RAF1: variants seen among roughly 807,000 people sequenced by gnomAD.
RAF1 encodes the protein RAF proto-oncogene serine/threonine-protein kinase.
Under a neutral mutation model 81.1 loss-of-function variants are expected in RAF1, and 27 were observed. The observed-to-expected ratio is 0.33, with a 90% CI of 0.25 to 0.46. RAF1 has a LOEUF of 0.46. Ranked by LOEUF, RAF1 falls within the 20% of genes least tolerant of loss-of-function variation. The pLI, the probability that RAF1 is intolerant of heterozygous loss-of-function variation, is 1.00. For missense variants in RAF1, 598 were observed against 826.0 expected (o/e 0.72, Z 3.38); for synonymous variants, 298 against 294.0 (o/e 1.01, Z -0.14).
chr3:12,644,485 T>C (rs925721645), intron 1 of RAF1, among the ~76,000 whole-genome samples: 2 of 152,178 alleles, frequency 1.3e-5, no homozygotes, highest in African/African-American at 4.8e-5. Flanking sequence ...TCTCAGGAGT[T>C]AAGTGTACAA....
rs1308245149 is a variant in RAF1 at position 12,604,181 on chromosome 3, G to C, written c.789C>G (p.Val263=). ...CAGGCAGGGTGGTGCTGACCATGTGGACATTAGGTGTGGATGTCGACCTCT... is the reference window on the plus strand; with the variant it reads ...CAGGCAGGGTGGTGCTGACCATGTGCACATTAGGTGTGGATGTCGACCTCT... The change falls in exon 7 of 18, where the codon GTC becomes GTG. Residue 263 remains valine, a synonymous_variant. Coordinates refer to ENST00000442415, the MANE Select transcript of RAF1 (RefSeq NM_001354689.3). 3 of 1,614,180 alleles carry C rather than the reference G, an allele frequency of 1.9e-6. No individual in the cohort carries two copies. Among genetic ancestry groups the C allele is most frequent in the Non-Finnish European group, 2.5e-6 (3 of 1,180,036 alleles).
chr3:12,644,594 C>G (rs772160077), intron 1 of RAF1, among the ~76,000 whole-genome samples: 4 of 152,196 alleles, frequency 2.6e-5, no homozygotes, highest in Non-Finnish European at 5.9e-5. Context: ...TCCCTTGGCT[C>G]TATCCTTTTG....
chr3:12,583,698 C>CAAATCATCAAGAAAACCTGT lies in RAF1; in HGVS notation c.*796_*815dup. ...GTGCAATAAAAACAAAATTAAAACC[C>CAAATCATCAAGAAAACCTGT]AAATCATCAAGAAAACCTGTATTCC... On this transcript the variant is annotated 3_prime_UTR_variant, in exon 18 of 18. Coordinates refer to ENST00000442415, the MANE Select transcript of RAF1 (RefSeq NM_001354689.3). The CAAATCATCAAGAAAACCTGT allele has an allele frequency of 4.3e-6, 1 of 233,458 alleles. No homozygotes were observed. Among genetic ancestry groups the CAAATCATCAAGAAAACCTGT allele is most frequent in the Non-Finnish European group, 8.5e-6 (1 of 118,014 alleles). The allele number at this position is 233,458 out of a possible 1,614,324, so 14.5% of individuals were successfully genotyped here. A position where few individuals can be genotyped will look rare whatever the true frequency, so the allele number is the denominator to read the frequency against.
At chr3:12,651,777 A>T (rs544127186) in intron 1 of RAF1, among the ~76,000 whole-genome samples, 1 of 152,092 alleles carries the variant, frequency 6.6e-6, no homozygotes, top group South Asian at 2.1e-4. Flanking sequence ...TGGGAGGCCA[A>T]GGCGGGCAAA....
At chr3:12,616,703 C>A (rs2059378090) in intron 2 of RAF1, among the ~76,000 whole-genome samples, 1 of 152,146 alleles carries the variant, frequency 6.6e-6, no homozygotes, top group African/African-American at 2.4e-5. Flanking sequence ...AAACAGAAAA[C>A]TCTGGACTGG....
intron 1 of RAF1, among the ~76,000 whole-genome samples, chr3:12,650,145 CAAAAAAAAAAAAAAAAAA>C (rs36098034): frequency 2.6e-5 from 2 of 76,938 alleles, no homozygotes; most frequent in Admixed American, 3.2e-4. Context: ...GACTCCATCT[CAAAAAAAAAAAAAAAAAA>C]AAAAAAAAAA....
intron 13 of RAF1, chr3:12,588,679 G>A (rs1478929345): frequency 6.6e-6 from 1 of 152,202 alleles, no homozygotes; most frequent in East Asian, 1.9e-4. Context: ...TATCTTACAT[G>A]ATTCCATTTA....
intron 14 of RAF1, chr3:12,587,217 C>T (rs2058357875): frequency 3.7e-6 from 1 of 269,964 alleles, no homozygotes; most frequent in Admixed American, 4.9e-5. Context: ...AGCAGATAGA[C>T]ATACACACGC....
chr3:12,612,568 G>C (rs1373364804), intron 2 of RAF1, among the ~76,000 whole-genome samples: 1 of 149,928 alleles, frequency 6.7e-6, no homozygotes, highest in African/African-American at 2.5e-5. Flanking sequence ...AGAATTGCTG[G>C]AACCCAGGAG....
intron 1 of RAF1, among the ~76,000 whole-genome samples, chr3:12,636,292 A>AC (rs1491143336): frequency 7.3e-6 from 1 of 137,864 alleles, no homozygotes; most frequent in Non-Finnish European, 1.6e-5. Flanking sequence ...TTTCAAAAAA[A>AC]CAAAAAAAAA....
At chr3:12,627,559 T>C (rs1162044594) in intron 1 of RAF1, among the ~76,000 whole-genome samples, 1 of 152,238 alleles carries the variant, frequency 6.6e-6, no homozygotes, top group East Asian at 1.9e-4. Context: ...TCACCTACTC[T>C]ATATCTATCA....
intron 8 of RAF1, among the ~76,000 whole-genome samples, chr3:12,601,333 C>T (rs2058855159): frequency 6.6e-6 from 1 of 152,216 alleles, no homozygotes; most frequent in African/African-American, 2.4e-5. Context: ...CACCACAAAA[C>T]ACTGCCTTAT....
chr3:12,609,324 C>T lies in RAF1; in HGVS notation c.332G>A (p.Arg111His), dbSNP rs996417348. Residue 111 changes from arginine (R) to histidine (H), a missense_variant, in exon 4 of 18, where the codon CGC becomes CAC. By Grantham distance (29) the Arg-to-His change is conservative. This residue lies in a region of RAF1 where 89 missense variants were observed against 169.2 expected (regional missense o/e 0.53). Transcript: ENST00000442415. ...CGCAGCATCAGTATTCCAATCTAAG[C>T]GTGCTTTTTTACTAGAAAGGATTTA... 3 of 1,611,674 alleles carry T rather than the reference C, an allele frequency of 1.9e-6. No individual in the cohort carries two copies. The highest frequency in any genetic ancestry group is 1.3e-5 in the African/African-American group (1 of 74,900).
At chr3:12,586,236 C>G (rs930146458) in intron 14 of RAF1, among the ~76,000 whole-genome samples, 2 of 152,198 alleles carry the variant, frequency 1.3e-5, no homozygotes, top group African/African-American at 4.8e-5. Context: ...AAATCACCAT[C>G]TGAAACTTGA....
chr3:12,587,678 G>C (rs924671644), intron 13 of RAF1, 41 bp from the exon 13 acceptor site: 55 of 1,535,610 alleles, frequency 3.6e-5, no homozygotes, highest in Non-Finnish European at 4.5e-5. Context: ...AGTTTGAGGG[G>C]CATGAGTAGA....
chr3:12,639,123 C>T (rs981972530), intron 1 of RAF1, among the ~76,000 whole-genome samples: 1 of 152,088 alleles, frequency 6.6e-6, no homozygotes, highest in Non-Finnish European at 1.5e-5. Flanking sequence ...ATCAAAACTA[C>T]GTGATTATCT....
intron 1 of RAF1, among the ~76,000 whole-genome samples, chr3:12,644,329 A>G (rs1005408610): frequency 5.9e-5 from 9 of 152,212 alleles, no homozygotes; most frequent in African/African-American, 2.2e-4. Flanking sequence ...TTATTTTATC[A>G]ACGTCTAGAG....
intron 6 of RAF1, 22 bp from the exon 7 acceptor site, chr3:12,604,311 C>T (rs2058959628): frequency 6.2e-7 from 1 of 1,610,644 alleles, no homozygotes; most frequent in South Asian, 1.1e-5. Context: ...AAGAAAATTC[C>T]ATGATTGGCA....
intron 2 of RAF1, 50 bp downstream of exon 2, chr3:12,618,465 C>T: frequency 1.3e-6 from 2 of 1,576,868 alleles, no homozygotes; most frequent in South Asian, 1.1e-5. Flanking sequence ...CCTTAATGTG[C>T]TCCACAGGCA....
Sources: allele counts gnomAD v4.1 joint callset (sites outside exome capture counted in the v4.1 genomes callset), GRCh38; gene constraint gnomAD v4.1.1; regional missense constraint gnomAD v4.1.1; transcripts MANE v1.5; gene names NCBI Gene and HGNC (gene_info 2026-07-23, HGNC 2026-07-21).